Variants in IL1RAPL1 observed in about 807,000 individuals in gnomAD.
The protein encoded by IL1RAPL1 is interleukin 1 receptor accessory protein like 1, also known as interleukin-1 receptor accessory protein-like 1.
In IL1RAPL1, 3 loss-of-function variants were observed where a neutral mutation model predicts 48.4. The observed-to-expected ratio is 0.06, with a 90% confidence interval of 0.03 to 0.16. The LOEUF (loss-of-function observed/expected upper bound fraction) is 0.16. IL1RAPL1 is among the 10% of genes least tolerant of loss of function. The pLI, the probability that IL1RAPL1 is intolerant of heterozygous loss-of-function variation, is 1.00. For missense variants in IL1RAPL1, 349 were observed against 530.6 expected (o/e 0.66, Z 3.36); for synonymous variants, 185 against 187.7 (o/e 0.99, Z 0.12).
At chrX:29,085,080 T>A (rs1927925016) in intron 2 of IL1RAPL1, among the ~76,000 whole-genome samples, 1 of 112,209 alleles carries the variant, frequency 8.9e-6, no homozygotes, top group Admixed American at 9.5e-5. Flanking sequence ...CTGAGAAGGT[T>A]AACTTTAGTG....
At chrX:29,256,575 A>G (rs977825806) in intron 2 of IL1RAPL1, among the ~76,000 whole-genome samples, 2 of 111,796 alleles carry the variant, frequency 1.8e-5, no homozygotes, top group Non-Finnish European at 3.8e-5. Context: ...CAACTGTGCA[A>G]TGAAGATCAT....
intron 2 of IL1RAPL1, among the ~76,000 whole-genome samples, chrX:28,843,786 GT>G (rs1921436590): frequency 9.0e-6 from 1 of 110,985 alleles, no homozygotes; most frequent in Admixed American, 9.6e-5. Context: ...ACTTTGCTTG[GT>G]GGCAAGAACA....
intron 6 of IL1RAPL1, among the ~76,000 whole-genome samples, chrX:29,915,719 T>C (rs1218593246): frequency 3.9e-5 from 4 of 102,890 alleles, no homozygotes; most frequent in Non-Finnish European, 7.9e-5. Context: ...ATATTCTTTT[T>C]TTTTTTTTTT....
chrX:28,928,619 T>C, intron 2 of IL1RAPL1, among the ~76,000 whole-genome samples: 1 of 111,876 alleles, frequency 8.9e-6, no homozygotes, highest in Non-Finnish European at 1.9e-5. Flanking sequence ...CTTCAGATCA[T>C]CTCTATGTGG....
chrX:28,730,840 C>T (rs935579815), intron 1 of IL1RAPL1, among the ~76,000 whole-genome samples: 1 of 111,996 alleles, frequency 8.9e-6, no homozygotes, highest in Non-Finnish European at 1.9e-5. Context: ...TAACAACTTA[C>T]TTAAACCAAA....
At chrX:29,130,351 A>G (rs775105696) in intron 2 of IL1RAPL1, among the ~76,000 whole-genome samples, 1 of 112,176 alleles carries the variant, frequency 8.9e-6, no homozygotes, top group East Asian at 2.8e-4. Flanking sequence ...AAAATTCTTG[A>G]TTACATTGGT....
rs779836339 is a variant in IL1RAPL1 at position 29,526,538 on chromosome X, A to G, written c.703+127230A>G. ...GAGAATAAATGGCAAATGTAGCTCA[A>G]ACAATGAAATAATTCAACAAGCTAG... On this transcript the variant is annotated intron_variant, in intron 5 of 10. Transcript: ENST00000378993. Among the ~76,000 whole-genome samples, 3 of 112,148 alleles carry G rather than the reference A, an allele frequency of 2.7e-5. No homozygotes were observed. In the South Asian group the frequency reaches 1.1e-3, roughly 41 times the overall value.
intron 6 of IL1RAPL1, among the ~76,000 whole-genome samples, chrX:29,885,072 C>A (rs766261832): frequency 9.0e-6 from 1 of 111,575 alleles, no homozygotes; most frequent in South Asian, 3.8e-4. Flanking sequence ...TCCTCTCTGA[C>A]TTTCTTATGC....
At chrX:29,120,133 CTTTAG>C (rs1177775611) in intron 2 of IL1RAPL1, among the ~76,000 whole-genome samples, 1 of 111,829 alleles carries the variant, frequency 8.9e-6, no homozygotes, top group Non-Finnish European at 1.9e-5. Context: ...TGCAGAAGCT[CTTTAG>C]TTTAGTTCGG....
chrX:28,976,538 A>G (rs1270820256), intron 2 of IL1RAPL1, among the ~76,000 whole-genome samples: 2 of 111,737 alleles, frequency 1.8e-5, no homozygotes, highest in Admixed American at 1.9e-4. Flanking sequence ...GTTTTTGACA[A>G]ATTAATTTTG....
intron 2 of IL1RAPL1, among the ~76,000 whole-genome samples, chrX:29,014,148 TG>T (rs1251746693): frequency 9.0e-6 from 1 of 111,691 alleles, no homozygotes; most frequent in Non-Finnish European, 1.9e-5. Flanking sequence ...GAAGTTTTGA[TG>T]GAAAATCATT....
chrX:28,628,059 T>C (rs1934360187), intron 1 of IL1RAPL1, among the ~76,000 whole-genome samples: 2 of 111,460 alleles, frequency 1.8e-5, no homozygotes, highest in Non-Finnish European at 3.8e-5. Flanking sequence ...CATGTCCAAG[T>C]GTCTGTAGTC....
chrX:28,871,921 G>A (rs981887341), intron 2 of IL1RAPL1, among the ~76,000 whole-genome samples: 1 of 112,183 alleles, frequency 8.9e-6, no homozygotes, highest in African/African-American at 3.2e-5. Flanking sequence ...AGCCTCCACT[G>A]TATTCAGCTA....
intron 6 of IL1RAPL1, among the ~76,000 whole-genome samples, chrX:29,906,347 A>AAACAAAC (rs199655805): frequency 0.062 from 6,132 of 98,622 alleles, 261 homozygotes; most frequent in Admixed American, 0.16. Flanking sequence ...AAAAACAAAC[A>AAACAAAC]AACAACAAAA....
chrX:29,167,319 T>G (rs1451944804), intron 2 of IL1RAPL1, among the ~76,000 whole-genome samples: 1 of 109,495 alleles, frequency 9.1e-6, no homozygotes, highest in South Asian at 3.9e-4. Context: ...TCCCTTCCCT[T>G]CTTCCTTTCC....
chrX:29,781,749 G>T (rs1929341660), intron 6 of IL1RAPL1, among the ~76,000 whole-genome samples: 1 of 111,474 alleles, frequency 9.0e-6, no homozygotes, highest in African/African-American at 3.3e-5. Context: ...AATGTTTCTT[G>T]TTCTGTGTCA....
At chrX:29,103,415 C>T (rs1468970781) in intron 2 of IL1RAPL1, among the ~76,000 whole-genome samples, 1 of 111,808 alleles carries the variant, frequency 8.9e-6, no homozygotes, top group Non-Finnish European at 1.9e-5. Flanking sequence ...AACTGGATAT[C>T]CATATGCAGA....
At chrX:29,130,701 G>A (rs1929002152) in intron 2 of IL1RAPL1, among the ~76,000 whole-genome samples, 1 of 111,510 alleles carries the variant, frequency 9.0e-6, no homozygotes, top group African/African-American at 3.3e-5. Context: ...ATCATAAATG[G>A]CCCAGATTAG....
chrX:29,005,721 GA>G (rs1287073281), intron 2 of IL1RAPL1, among the ~76,000 whole-genome samples: 1 of 111,222 alleles, frequency 9.0e-6, no homozygotes, highest in African/African-American at 3.3e-5. Flanking sequence ...ATTAATATGA[GA>G]AAGTCATAAT....
Sources: gnomAD v4.1 joint callset for allele counts (sites outside exome capture counted in the v4.1 genomes callset) on GRCh38, gnomAD v4.1.1 for gene constraint, MANE v1.5 for transcripts, NCBI Gene and HGNC (gene_info 2026-07-23, HGNC 2026-07-21) for gene names.